Variants in HSD17B11 observed in about 807,000 individuals in gnomAD.
HSD17B11 encodes hydroxysteroid 17-beta dehydrogenase 11, also known as estradiol 17-beta-dehydrogenase 11.
Under a neutral mutation model 27.8 loss-of-function variants are expected in HSD17B11, and 22 were observed. The observed-to-expected ratio is 0.79, with a 90% confidence interval of 0.56 to 1.13. The LOEUF is 1.13. HSD17B11 is among the 50% of genes most tolerant of loss of function. The pLI is 0.00. For synonymous variants in HSD17B11, 117 were observed against 132.8 expected (o/e 0.88, Z 0.82); for missense variants, 314 against 351.1 (o/e 0.89, Z 0.84).
At chr4:87,382,197 C>A in intron 2 of HSD17B11, 58 bp downstream of exon 2, 1 of 1,295,880 alleles carries the variant, frequency 7.7e-7, no homozygotes, top group South Asian at 1.2e-5. Context: ...ACTGGGTCAT[C>A]TCCAAAACAC....
chr4:87,379,302 A>G (rs976459041), intron 2 of HSD17B11, among the ~76,000 whole-genome samples: 2 of 150,744 alleles, frequency 1.3e-5, no homozygotes, highest in Admixed American at 6.7e-5. Flanking sequence ...CAGCAGATAT[A>G]TTTCTATAAA....
At chr4:87,377,521 T>C (rs780732517) in intron 2 of HSD17B11, among the ~76,000 whole-genome samples, 2 of 152,178 alleles carry the variant, frequency 1.3e-5, no homozygotes, top group Non-Finnish European at 2.9e-5. Flanking sequence ...ATAATTGTTA[T>C]ATCTTCTGGA....
intron 2 of HSD17B11, among the ~76,000 whole-genome samples, chr4:87,381,760 C>CAA (rs33982875): frequency 7.5e-6 from 1 of 132,754 alleles, no homozygotes; most frequent in South Asian, 2.4e-4. Context: ...CCCCCCATCT[C>CAA]AAAAAAAAAA....
chr4:87,342,889 G>A (rs147164431), intron 5 of HSD17B11, among the ~76,000 whole-genome samples: 209 of 152,280 alleles, frequency 1.4e-3, no homozygotes, highest in African/African-American at 2.8e-3. Context: ...CAAAGGCAAC[G>A]GAAGCTTGCA....
rs766966388 is a variant in HSD17B11, at chr4:87,347,103, ATTTTTTTTTTTTCTTTTTT to A, written c.696-6516_696-6498del. Among the ~76,000 whole-genome samples, 44 of 62,594 alleles carry A rather than the reference ATTTTTTTTTTTTCTTTTTT, an allele frequency of 7.0e-4. 3 individuals are homozygous for A. The East Asian group carries it at 0.016, about 23-fold the overall frequency. 41.1% of individuals were successfully genotyped at this position (62,594 alleles called of 152,430 possible). A position where few individuals can be genotyped will look rare whatever the true frequency, so the allele number is the denominator to read the frequency against. On this transcript the variant is annotated intron_variant, in intron 5 of 6. Coordinates refer to ENST00000358290, the MANE Select transcript of HSD17B11 (RefSeq NM_016245.5). ...TTTAGGGTTGTTTTTAGTATTCTGG[ATTTTTTTTTTTTCTTTTTT>A]TTTTTTTTTTTTTTATTATACTCTA... is the stretch of plus-strand genomic sequence containing the variant.
At chr4:87,384,934 T>G (rs909319151) in intron 1 of HSD17B11, among the ~76,000 whole-genome samples, 16 of 152,062 alleles carry the variant, frequency 1.1e-4, no homozygotes, top group Non-Finnish European at 1.9e-4. Flanking sequence ...TCATGATACG[T>G]GATGTCACCC....
At chr4:87,354,421 T>C (rs1029393744) in intron 5 of HSD17B11, among the ~76,000 whole-genome samples, 1 of 151,670 alleles carries the variant, frequency 6.6e-6, no homozygotes, top group Non-Finnish European at 1.5e-5. Flanking sequence ...AGGAGTTCAA[T>C]TGAGTTCAAG....
chr4:87,338,786 C>T (rs1413444444), intron 6 of HSD17B11, among the ~76,000 whole-genome samples: 1 of 152,328 alleles, frequency 6.6e-6, no homozygotes, highest in East Asian at 1.9e-4. Flanking sequence ...ATCCTCCTGC[C>T]TCAGCCTCTC....
chr4:87,342,107 G>A (rs1412136424), intron 5 of HSD17B11, among the ~76,000 whole-genome samples: 1 of 152,042 alleles, frequency 6.6e-6, no homozygotes, highest in African/African-American at 2.4e-5. Flanking sequence ...GAGACACCAG[G>A]CGTGGTGCTC....
chr4:87,377,928 T>G (rs1735867943), intron 2 of HSD17B11, among the ~76,000 whole-genome samples: 1 of 152,218 alleles, frequency 6.6e-6, no homozygotes, highest in Admixed American at 6.5e-5. Flanking sequence ...GCAATTCTTA[T>G]ATGCTCACTT....
intron 4 of HSD17B11, among the ~76,000 whole-genome samples, chr4:87,359,156 A>G (rs575480599): frequency 1.6e-4 from 24 of 152,140 alleles, no homozygotes; most frequent in Non-Finnish European, 3.2e-4. Flanking sequence ...ACTGTGAGTC[A>G]ATTGAACCTC....
intron 2 of HSD17B11, among the ~76,000 whole-genome samples, chr4:87,377,091 T>C (rs554153159): frequency 5.6e-4 from 84 of 148,674 alleles, no homozygotes; most frequent in African/African-American, 2.0e-3. Flanking sequence ...GATTGCACCA[T>C]TGCACGCCCG....
chr4:87,362,077 T>A (rs1735527618), intron 4 of HSD17B11, among the ~76,000 whole-genome samples: 1 of 152,014 alleles, frequency 6.6e-6, no homozygotes, highest in Non-Finnish European at 1.5e-5. Context: ...TACACCTGGG[T>A]AAAGAATGGG....
chr4:87,340,096 T>G (rs1182529158), intron 6 of HSD17B11, among the ~76,000 whole-genome samples: 1 of 152,212 alleles, frequency 6.6e-6, no homozygotes. Context: ...AGTATGATTT[T>G]GCACAAAACA....
intron 5 of HSD17B11, among the ~76,000 whole-genome samples, chr4:87,356,075 T>G (rs1225169110): frequency 6.6e-6 from 1 of 152,188 alleles, no homozygotes; most frequent in Non-Finnish European, 1.5e-5. Flanking sequence ...AAGATGATTC[T>G]TCGCGTACTG....
At chr4:87,363,486 G>A (rs2110120403) in intron 4 of HSD17B11, among the ~76,000 whole-genome samples, 1 of 152,278 alleles carries the variant, frequency 6.6e-6, no homozygotes, top group South Asian at 2.1e-4. Context: ...TACCCAGCAA[G>A]CTGGTCAGTA....
chr4:87,339,874 A>G (rs1404999505), intron 6 of HSD17B11, among the ~76,000 whole-genome samples: 1 of 152,230 alleles, frequency 6.6e-6, no homozygotes, highest in Non-Finnish European at 1.5e-5. Context: ...GTTGAGAGCT[A>G]CTGCTCCAAA....
intron 2 of HSD17B11, among the ~76,000 whole-genome samples, chr4:87,379,692 TAC>T (rs1430450410): frequency 6.2e-5 from 9 of 144,168 alleles, no homozygotes; most frequent in African/African-American, 2.3e-4. Context: ...AGTATTAGTA[TAC>T]TATACTATTA....
At chr4:87,342,821 T>C (rs1735194852) in intron 5 of HSD17B11, among the ~76,000 whole-genome samples, 1 of 152,148 alleles carries the variant, frequency 6.6e-6, no homozygotes, top group Non-Finnish European at 1.5e-5. Context: ...GGAGATTTGA[T>C]AGGAGAGGAA....
Sources: gnomAD v4.1 joint callset for allele counts (sites outside exome capture counted in the v4.1 genomes callset) on GRCh38, gnomAD v4.1.1 for gene constraint, MANE v1.5 for transcripts, NCBI Gene and HGNC (gene_info 2026-07-23, HGNC 2026-07-21) for gene names.